EXPH5: variants seen among roughly 807,000 people sequenced by gnomAD.
EXPH5 encodes exophilin-5.
EXPH5 carries 42 observed loss-of-function variants against 41.1 expected under a neutral mutation model. The ratio of observed to expected loss-of-function variants is 1.02; its 90% CI spans 0.80 to 1.32. The LOEUF (loss-of-function observed/expected upper bound fraction) is 1.32, where lower values mean the gene tolerates loss of function less well. EXPH5 is among the 40% of genes most tolerant of loss of function. EXPH5 has a pLI of 0.00. For missense variants in EXPH5, 2,298 were observed against 2,314.5 expected, an observed-to-expected ratio of 0.99 and a Z score of 0.15; for synonymous variants, 798 against 833.5, an observed-to-expected ratio of 0.96 and a Z score of 0.73.
At chr11:108,551,681 A>G (rs2136058320) in intron 1 of EXPH5, among the ~76,000 whole-genome samples, 1 of 152,206 alleles carries the variant, frequency 6.6e-6, no homozygotes, top group African/African-American at 2.4e-5. Flanking sequence ...CCACTCCTTA[A>G]GGACATCTTG....
At chr11:108,583,389 A>T (rs2852200) in intron 1 of EXPH5, among the ~76,000 whole-genome samples, 146,359 of 151,204 alleles carry the variant, frequency 0.97, 71,055 homozygotes, top group East Asian at 1. Context: ...AAAATAAAAA[A>T]AAAAATAAAT....
intron 1 of EXPH5, among the ~76,000 whole-genome samples, chr11:108,576,256 A>G (rs1464629529): frequency 6.6e-6 from 1 of 152,240 alleles, no homozygotes; most frequent in Non-Finnish European, 1.5e-5. Flanking sequence ...GAAAAGGAAT[A>G]AAGTATTAAT....
At chr11:108,560,921 TA>T (rs1490513227) in intron 1 of EXPH5, among the ~76,000 whole-genome samples, 2 of 152,350 alleles carry the variant, frequency 1.3e-5, no homozygotes, top group East Asian at 3.9e-4. Context: ...ATCTCAATAA[TA>T]AAGTTTGTGA....
chr11:108,537,847 A>G (rs570024997), intron 3 of EXPH5: 1 of 393,916 alleles, frequency 2.5e-6, no homozygotes, highest in South Asian at 1.1e-4. Context: ...CAGTGGAAAT[A>G]TTTTTTTCTC....
intron 1 of EXPH5, among the ~76,000 whole-genome samples, chr11:108,591,674 G>A (rs76293337): frequency 0.015 from 2,291 of 152,318 alleles, 50 homozygotes; most frequent in African/African-American, 0.051. Context: ...TAGAAAATGT[G>A]TTTTGACCTT....
At chr11:108,587,110 ATTTTC>A (rs915864830) in intron 1 of EXPH5, among the ~76,000 whole-genome samples, 9 of 124,114 alleles carry the variant, frequency 7.3e-5, no homozygotes, top group Non-Finnish European at 1.7e-4. Context: ...GAAGGAAAGC[ATTTTC>A]TTTTCTTTTC....
intron 1 of EXPH5, among the ~76,000 whole-genome samples, chr11:108,572,498 C>T (rs2094064043): frequency 6.6e-6 from 1 of 152,162 alleles, no homozygotes; most frequent in South Asian, 2.1e-4. Context: ...AAATTCACAA[C>T]ATGTGAGGTT....
At chr11:108,521,642 T>A (rs2135960407) in intron 4 of EXPH5, among the ~76,000 whole-genome samples, 1 of 152,348 alleles carries the variant, frequency 6.6e-6, no homozygotes, top group African/African-American at 2.4e-5. Context: ...TAATTCTTTT[T>A]ACCCTACATC....
At chr11:108,522,567 A>G (rs1282298142) in intron 4 of EXPH5, among the ~76,000 whole-genome samples, 1 of 152,168 alleles carries the variant, frequency 6.6e-6, no homozygotes, top group East Asian at 1.9e-4. Context: ...ACTCATGATC[A>G]AGTTTTGCAG....
rs757161143 is a variant in EXPH5, at chr11:108,510,000, C to T, written c.5507G>A (p.Gly1836Glu). Reference sequence around the variant, plus strand: ...CCCATTGTTGACAGAGAATTCATTCCCAAGGGTCAGTCGACTCAGGGCATT... The same window carrying T: ...CCCATTGTTGACAGAGAATTCATTCTCAAGGGTCAGTCGACTCAGGGCATT... ...IDNALSRLTL[G>E]NEFSVNNGYS... is the part of the protein sequence containing the mutation. Residue 1836 changes from glycine (G) to glutamate (E), a missense_variant, in exon 6 of 6, where the codon GGG (glycine) becomes GAG (glutamate). Gly to Glu is a moderately conservative substitution (Grantham distance 98). Coordinates refer to ENST00000265843, the MANE Select transcript of EXPH5 (RefSeq NM_015065.3). 1.3e-5 allele frequency: 21 copies of T among 1,613,612 alleles called. No individual in the cohort carries two copies. Among genetic ancestry groups the T allele is most frequent in the Non-Finnish European group, 1.5e-5 (18 of 1,179,892 alleles).
intron 1 of EXPH5, among the ~76,000 whole-genome samples, chr11:108,575,911 GA>G (rs1157223715): frequency 1.3e-5 from 2 of 151,688 alleles, no homozygotes; most frequent in African/African-American, 4.9e-5. Flanking sequence ...GTAGTGAGCC[GA>G]GATCACACCA....
rs114272381 is a variant in EXPH5 at position 108,544,463 on chromosome 11, G to C, written c.120-2651C>G. 5.4e-3 allele frequency among the ~76,000 whole-genome samples: 826 copies of C among 152,164 alleles called. 3 individuals are homozygous for C. Among genetic ancestry groups the C allele is most frequent in the African/African-American group, 0.019 (786 of 41,522 alleles). On this transcript the variant is annotated intron_variant, in intron 1 of 5. Coordinates refer to ENST00000265843, the MANE Select transcript of EXPH5 (RefSeq NM_015065.3). ...GATTACAAGCGTGAGCCACAATGCC[G>C]AGCCCTGACTCTCTTTTAAAAATAA...
At chr11:108,575,885 T>A (rs563902892) in intron 1 of EXPH5, among the ~76,000 whole-genome samples, 120 of 152,014 alleles carry the variant, frequency 7.9e-4, no homozygotes, top group Admixed American at 1.6e-3. Flanking sequence ...GAGACAGGAA[T>A]ATCCAGGCAG....
In EXPH5 at chr11:108,579,637, G is replaced by A. The variant is rs2094091625; in HGVS notation, c.119+13781C>T. ...CCTAGGAAATATAGCCATAGAACCT[G>A]GTCACAAGGCACAGAACAGATATCT... On this transcript the variant is annotated intron_variant, in intron 1 of 5. Transcript: ENST00000265843. 2.0e-5 allele frequency among the ~76,000 whole-genome samples: 3 copies of A among 152,186 alleles called. No individual in the cohort carries two copies. In the South Asian group the frequency reaches 6.2e-4, roughly 32 times the overall value.
chr11:108,562,467 G>A (rs1326768578), intron 1 of EXPH5, among the ~76,000 whole-genome samples: 1 of 151,368 alleles, frequency 6.6e-6, no homozygotes, highest in East Asian at 2.0e-4. Context: ...AAATTAGCTG[G>A]GTATGCTGGT....
chr11:108,593,630 G>A lies in EXPH5; in HGVS notation c.-94C>T. On this transcript the variant is annotated 5_prime_UTR_variant, in exon 1 of 6. Transcript: ENST00000265843. ...TGTACAAGACCAGTTTCACGAACTT[G>A]ATCCCACAGCCAATAATAAGTCCGC... The A allele has an allele frequency of 1.2e-6, 2 of 1,602,932 alleles. No individual in the cohort carries two copies. Among genetic ancestry groups the A allele is most frequent in the African/African-American group, 1.3e-5 (1 of 74,848 alleles).
At position 108,509,567 on chromosome 11, in the gene EXPH5, C is replaced by T. The variant is rs1278457689; in HGVS notation, c.5940G>A (p.Leu1980=). 3 of 1,564,420 alleles carry T rather than the reference C, an allele frequency of 1.9e-6. No individual in the cohort carries two copies. The highest frequency in any genetic ancestry group is 2.2e-5 in the East Asian group (1 of 44,658). Residue 1980 remains leucine, a synonymous_variant, in exon 6 of 6, where the codon CTG becomes CTA. Coordinates refer to ENST00000265843, the MANE Select transcript of EXPH5 (RefSeq NM_015065.3). ...TDTTTDDEYY[L]DENDKESEL is the part of the protein sequence containing the mutation. ...GTTCTGACTCTTTGTCATTTTCATC[C>T]AGGTAGTATTCATCATCTGTGGTTG...
chr11:108,607,119 G>A, the EXPH5 span, among the ~76,000 whole-genome samples: 29 of 152,102 alleles, frequency 1.9e-4, no homozygotes, highest in Non-Finnish European at 3.4e-4. Flanking sequence ...AATCACTAAT[G>A]AAAATATCAC....
intron 1 of EXPH5, among the ~76,000 whole-genome samples, chr11:108,549,551 C>G (rs917303433): frequency 5.9e-5 from 9 of 152,178 alleles, no homozygotes; most frequent in Non-Finnish European, 1.0e-4. Context: ...TTCTCCAGGA[C>G]AAATTAATTA....
Sources: gnomAD v4.1 joint callset for allele counts (sites outside exome capture counted in the v4.1 genomes callset) on GRCh38, gnomAD v4.1.1 for gene constraint, MANE v1.5 for transcripts, NCBI Gene and HGNC (gene_info 2026-07-23, HGNC 2026-07-21) for gene names.